Variants in GRIA3 observed in about 807,000 individuals in gnomAD.
The protein encoded by GRIA3 is glutamate receptor 3.
GRIA3 carries 3 observed loss-of-function variants against 63.0 expected under a neutral mutation model. That is an observed-to-expected ratio of 0.05 (90% CI 0.02 to 0.12). The LOEUF is 0.12. GRIA3 is among the 10% of genes least tolerant of loss of function. The pLI, the probability that GRIA3 is intolerant of heterozygous loss-of-function variation, is 1.00. For synonymous variants in GRIA3, 274 were observed against 257.9 expected (o/e 1.06, Z -0.60); for missense variants, 347 against 700.9 (o/e 0.50, Z 5.70).
chrX:123,444,908 T>G (rs1266690744), intron 12 of GRIA3, among the ~76,000 whole-genome samples: 3 of 111,146 alleles, frequency 2.7e-5, no homozygotes, highest in Non-Finnish European at 5.7e-5. Flanking sequence ...CACCTATCCA[T>G]GGAGTGGGCA....
At chrX:123,436,909 G>C (rs2045647227) in intron 12 of GRIA3, among the ~76,000 whole-genome samples, 1 of 110,953 alleles carries the variant, frequency 9.0e-6, no homozygotes, top group Admixed American at 9.7e-5. Flanking sequence ...CACCTGGCAA[G>C]CCTGTGTAGG....
chrX:123,414,667 T>G lies in GRIA3; in HGVS notation c.1501-2735T>G, dbSNP rs762301117. Among the ~76,000 whole-genome samples the G allele has an allele frequency of 1.6e-3, 173 of 104,851 alleles. 2 individuals carry two copies. The highest frequency in any genetic ancestry group is 5.4e-3 in the African/African-American group (155 of 28,514). The allele number at this position is 104,851 out of a possible 115,157, so 91.1% of individuals were successfully genotyped here. A position where few individuals can be genotyped will look rare whatever the true frequency, so the allele number is the denominator to read the frequency against. ...ACTCCCACCTATGAGTGAGAACATGTGGTGTTTGGTTTTCTGTCCTTTTGA... is the reference window on the plus strand; with the variant it reads ...ACTCCCACCTATGAGTGAGAACATGGGGTGTTTGGTTTTCTGTCCTTTTGA... On this transcript the variant is annotated intron_variant, in intron 10 of 15. Transcript: ENST00000620443.
At chrX:123,250,186 T>G (rs766178047) in intron 2 of GRIA3, among the ~76,000 whole-genome samples, 2 of 111,429 alleles carry the variant, frequency 1.8e-5, no homozygotes, top group Admixed American at 9.5e-5. Context: ...GAGGACCACA[T>G]AGATAAAAGT....
chrX:123,339,014 G>A (rs1420762533), intron 4 of GRIA3, among the ~76,000 whole-genome samples: 2 of 112,251 alleles, frequency 1.8e-5, no homozygotes, highest in African/African-American at 6.5e-5. Context: ...TTTGTTCAGA[G>A]CTTAGCTTAA....
chrX:123,403,267 T>A, intron 8 of GRIA3, 145 bp from the exon 9 acceptor site: 1 of 605,141 alleles, frequency 1.7e-6, no homozygotes, highest in Non-Finnish European at 2.9e-6. Context: ...TTGGGGGTCC[T>A]GGTGGGAATT....
intron 10 of GRIA3, among the ~76,000 whole-genome samples, chrX:123,405,541 C>T (rs2045468983): frequency 8.9e-6 from 1 of 111,768 alleles, no homozygotes; most frequent in African/African-American, 3.2e-5. Flanking sequence ...TAGCACCCGC[C>T]TACCTCTCTA....
At chrX:123,198,954 A>C (rs1248244393) in intron 2 of GRIA3, among the ~76,000 whole-genome samples, 2 of 111,907 alleles carry the variant, frequency 1.8e-5, no homozygotes, top group Non-Finnish European at 3.8e-5. Context: ...AGACTAGGAA[A>C]AATGTAGTTC....
At chrX:123,430,876 G>A (rs925565641) in intron 12 of GRIA3, among the ~76,000 whole-genome samples, 1 of 110,643 alleles carries the variant, frequency 9.0e-6, no homozygotes, top group East Asian at 2.8e-4. Flanking sequence ...CCAGCTACTC[G>A]GGAGGCTGAG....
intron 2 of GRIA3, among the ~76,000 whole-genome samples, chrX:123,219,758 C>A (rs1928246850): frequency 8.9e-6 from 1 of 112,261 alleles, no homozygotes; most frequent in Non-Finnish European, 1.9e-5. Context: ...ACAGCTGGAA[C>A]CTAGACTGAT....
intron 4 of GRIA3, among the ~76,000 whole-genome samples, chrX:123,339,517 CAT>C (rs1414038633): frequency 1.8e-5 from 2 of 111,938 alleles, no homozygotes; most frequent in Non-Finnish European, 3.8e-5. Flanking sequence ...AACAGATGAT[CAT>C]AGTCTAGTGT....
chrX:123,260,603 T>C (rs1176545821), intron 3 of GRIA3, among the ~76,000 whole-genome samples: 2 of 106,339 alleles, frequency 1.9e-5, no homozygotes, highest in African/African-American at 3.4e-5. Flanking sequence ...TAAGAACTGA[T>C]TAAAAGACGT....
chrX:123,388,977 A>G (rs904068630), intron 5 of GRIA3, among the ~76,000 whole-genome samples: 5 of 112,343 alleles, frequency 4.5e-5, no homozygotes, highest in African/African-American at 6.5e-5. Flanking sequence ...CTTTGACCCA[A>G]TGGTCATTCG....
chrX:123,467,448 A>C (rs2045840532), intron 13 of GRIA3, among the ~76,000 whole-genome samples: 1 of 112,623 alleles, frequency 8.9e-6, no homozygotes. Context: ...ACCAATGTGA[A>C]CTGATGACAC....
intron 2 of GRIA3, among the ~76,000 whole-genome samples, chrX:123,224,502 C>T (rs945222149): frequency 2.1e-4 from 23 of 111,860 alleles, no homozygotes; most frequent in Admixed American, 5.7e-4. Context: ...AACCTATTCT[C>T]CTCGTTTTTT....
chrX:123,367,969 A>G (rs12391153), intron 5 of GRIA3, among the ~76,000 whole-genome samples: 3,107 of 112,037 alleles, frequency 0.028, 97 homozygotes, highest in African/African-American at 0.095. Context: ...TTTTCTAAAG[A>G]CTTGGATTTT....
chrX:123,195,642 A>G (rs1273150010), intron 2 of GRIA3, among the ~76,000 whole-genome samples: 3 of 111,522 alleles, frequency 2.7e-5, no homozygotes, highest in African/African-American at 9.8e-5. Context: ...GACAAACAAA[A>G]TGCCTGCAAC....
At chrX:123,457,222 A>G (rs1162802369) in intron 12 of GRIA3, among the ~76,000 whole-genome samples, 1 of 111,231 alleles carries the variant, frequency 9.0e-6, no homozygotes, top group Non-Finnish European at 1.9e-5. Flanking sequence ...TTGGGGTATG[A>G]ATCCCCTATT....
At chrX:123,410,938 G>T (rs1338645843) in intron 10 of GRIA3, among the ~76,000 whole-genome samples, 1 of 111,881 alleles carries the variant, frequency 8.9e-6, no homozygotes, top group African/African-American at 3.2e-5. Flanking sequence ...ATCCAGTCGG[G>T]GATACCTGTT....
intron 2 of GRIA3, among the ~76,000 whole-genome samples, chrX:123,217,691 C>T (rs983866855): frequency 6.2e-5 from 7 of 112,455 alleles, no homozygotes; most frequent in Non-Finnish European, 3.8e-5. Flanking sequence ...ACAGTTGCCT[C>T]TTAGCAACAG....
Sources: allele counts gnomAD v4.1 joint callset (sites outside exome capture counted in the v4.1 genomes callset), GRCh38; gene constraint gnomAD v4.1.1; transcripts MANE v1.5; gene names NCBI Gene and HGNC (gene_info 2026-07-23, HGNC 2026-07-21).